ZNF738: variants seen among roughly 807,000 people sequenced by gnomAD.
ZNF738 encodes the protein protein ZNF738.
A neutral mutation model predicts 9.2 loss-of-function variants in ZNF738; 10 were observed. That is an observed-to-expected ratio of 1.09 (90% confidence interval 0.67 to 1.85). The LOEUF (loss-of-function observed/expected upper bound fraction) is 1.85. Among genes scored for constraint, ZNF738 ranks in the 40% most tolerant of loss-of-function variants. ZNF738 has a pLI of 0.00. For missense variants in ZNF738, 346 were observed against 283.6 expected (o/e 1.22, Z -1.58); for synonymous variants, 113 against 94.5 (o/e 1.20, Z -1.14).
At chr19:21,365,131 C>G (rs1466496409) in intron 2 of ZNF738, among the ~76,000 whole-genome samples, 1 of 152,010 alleles carries the variant, frequency 6.6e-6, no homozygotes, top group Non-Finnish European at 1.5e-5. Context: ...GGGTAACTTC[C>G]TGATGTTTCC....
At position 21,359,137 on chromosome 19, in the gene ZNF738, A is replaced by C. The variant is rs769804183; in HGVS notation, c.-4A>C. ...AGACGCCGGGACACCCTGGAAGCCT[A>C]GAAATGGTGAGAGTGCGGGGTCCAA... On this transcript the variant is annotated 5_prime_UTR_variant, in exon 1 of 5. Coordinates refer to ENST00000683779, the MANE Select transcript of ZNF738 (RefSeq NM_001355237.2). The C allele has an allele frequency of 6.7e-6, 7 of 1,037,158 alleles. No individual in the cohort carries two copies. In the East Asian group the frequency reaches 1.4e-4, roughly 21 times the overall value. The allele number at this position is 1,037,158 out of a possible 1,614,324, so 64.2% of individuals were successfully genotyped here.
chr19:21,376,100 GT>G (rs1188385681), intron 4 of ZNF738, 136 bp downstream of exon 4: 2 of 475,070 alleles, frequency 4.2e-6, no homozygotes, highest in African/African-American at 2.0e-5. Flanking sequence ...GAGGTGTGTG[GT>G]TTTTTTGTTT....
chr19:21,369,816 CTTTTTTTTTT>C (rs548346186), intron 2 of ZNF738, among the ~76,000 whole-genome samples: 1 of 138,304 alleles, frequency 7.2e-6, no homozygotes, highest in African/African-American at 2.6e-5. Flanking sequence ...CAGCTTCATT[CTTTTTTTTTT>C]TTTTTGAGAC....
At chr19:21,366,143 T>G (rs1973774691) in intron 2 of ZNF738, among the ~76,000 whole-genome samples, 1 of 152,168 alleles carries the variant, frequency 6.6e-6, no homozygotes, top group Non-Finnish European at 1.5e-5. Context: ...GTCCTAATTC[T>G]GTCACTCATA....
At chr19:21,373,030 A>G (rs1973876579) in intron 2 of ZNF738, among the ~76,000 whole-genome samples, 1 of 152,154 alleles carries the variant, frequency 6.6e-6, no homozygotes, top group African/African-American at 2.4e-5. Flanking sequence ...TCTCTAACTA[A>G]TGCTAATAAT....
intron 4 of ZNF738, chr19:21,381,657 C>A: frequency 2.3e-6 from 1 of 442,812 alleles, no homozygotes; most frequent in Non-Finnish European, 4.1e-6. Context: ...CCATGCCTGG[C>A]TGATTTTTTG....
At chr19:21,373,399 A>G (rs1028337157) in intron 2 of ZNF738, among the ~76,000 whole-genome samples, 14 of 152,110 alleles carry the variant, frequency 9.2e-5, no homozygotes, top group African/African-American at 3.1e-4. Context: ...GTTAAGTTCC[A>G]CCTTTGCACT....
At chr19:21,364,707 C>CGGA (rs990431582) in intron 2 of ZNF738, among the ~76,000 whole-genome samples, 25 of 150,188 alleles carry the variant, frequency 1.7e-4, no homozygotes, top group Admixed American at 6.6e-5. Context: ...CAGAGCAGTC[C>CGGA]GGAGGCCTAC....
intron 1 of ZNF738, among the ~76,000 whole-genome samples, chr19:21,359,363 G>A (rs1273341256): frequency 1.3e-5 from 2 of 152,180 alleles, no homozygotes; most frequent in Non-Finnish European, 2.9e-5. Flanking sequence ...CATAGTGACT[G>A]TGCCCTTGCC....
Position 21,385,721 on chromosome 19 carries a change from C to G in ZNF738, c.*2047C>G, listed in dbSNP as rs776626687. ...TGTGGCAAAGCTTTTAACCGGTACTCAACCCTTACTACACATAAGGTAATT... is the reference window on the plus strand; with the variant it reads ...TGTGGCAAAGCTTTTAACCGGTACTGAACCCTTACTACACATAAGGTAATT... On this transcript the variant is annotated 3_prime_UTR_variant, in exon 5 of 5. Coordinates refer to ENST00000683779, the MANE Select transcript of ZNF738 (RefSeq NM_001355237.2). 6.6e-6 allele frequency among the ~76,000 whole-genome samples: 1 copy of G among 152,144 alleles called. No individual in the cohort carries two copies. The highest frequency in any genetic ancestry group is 1.5e-5 in the Non-Finnish European group (1 of 68,020).
intron 1 of ZNF738, among the ~76,000 whole-genome samples, chr19:21,361,001 A>G (rs7508044): frequency 0.57 from 85,434 of 150,270 alleles, 24,395 homozygotes; most frequent in Middle Eastern, 0.69. Flanking sequence ...TTTAGAAGAG[A>G]TAGGGTTTCT....
At chr19:21,368,790 A>G (rs1018389308) in intron 2 of ZNF738, among the ~76,000 whole-genome samples, 1 of 151,904 alleles carries the variant, frequency 6.6e-6, no homozygotes, top group African/African-American at 2.4e-5. Context: ...AGGCTGGAGT[A>G]CAATGGTGTG....
chr19:21,362,481 A>G (rs2914640), intron 2 of ZNF738, among the ~76,000 whole-genome samples: 13 of 152,302 alleles, frequency 8.5e-5, no homozygotes, highest in African/African-American at 2.6e-4. Flanking sequence ...ATAAGTGAGC[A>G]GGAGTGGGTG....
intron 2 of ZNF738, among the ~76,000 whole-genome samples, chr19:21,371,238 A>G (rs1243737131): frequency 6.6e-6 from 1 of 152,208 alleles, no homozygotes; most frequent in East Asian, 1.9e-4. Flanking sequence ...TCCATTTTCT[A>G]TTTAGAATCA....
rs957423987 is a variant in ZNF738 at position 21,387,663 on chromosome 19, G to A, written c.*3989G>A. 4.6e-5 allele frequency among the ~76,000 whole-genome samples: 7 copies of A among 152,176 alleles called. No homozygotes were observed. Among genetic ancestry groups the A allele is most frequent in the African/African-American group, 1.7e-4 (7 of 41,442 alleles). Reference sequence around the variant, plus strand: ...TCTGCTTACATCTTAACACCAGAGAGTTCATACTTAATAAAAGCAAGATAA... The same window carrying A: ...TCTGCTTACATCTTAACACCAGAGAATTCATACTTAATAAAAGCAAGATAA... On this transcript the variant is annotated 3_prime_UTR_variant, in exon 5 of 5. Transcript: ENST00000683779.
At chr19:21,370,034 G>A (rs1321143762) in intron 2 of ZNF738, among the ~76,000 whole-genome samples, 1 of 152,104 alleles carries the variant, frequency 6.6e-6, no homozygotes, top group Non-Finnish European at 1.5e-5. Flanking sequence ...CACTGGTCTT[G>A]AACTCCTGAC....
intron 1 of ZNF738, 123 bp downstream of exon 1, chr19:21,359,266 C>T: frequency 1.2e-6 from 1 of 805,998 alleles, no homozygotes; most frequent in Non-Finnish European, 2.2e-6. Context: ...CCGAGTTCTC[C>T]TTGCCCAGCT....
At chr19:21,360,315 T>C (rs1169719303) in intron 1 of ZNF738, among the ~76,000 whole-genome samples, 5 of 152,224 alleles carry the variant, frequency 3.3e-5, no homozygotes, top group Non-Finnish European at 5.9e-5. Flanking sequence ...ATCAGGGTCT[T>C]AAGTCTAACC....
intron 4 of ZNF738, among the ~76,000 whole-genome samples, chr19:21,380,609 A>C (rs1304080718): frequency 1.3e-5 from 2 of 152,230 alleles, no homozygotes; most frequent in African/African-American, 4.8e-5. Flanking sequence ...TGGATTAAAA[A>C]ACAGATGGAT....
Sources: gnomAD v4.1 joint callset for allele counts (sites outside exome capture counted in the v4.1 genomes callset) on GRCh38, gnomAD v4.1.1 for gene constraint, MANE v1.5 for transcripts, NCBI Gene and HGNC (gene_info 2026-07-23, HGNC 2026-07-21) for gene names.